Variants in UBE2E2 observed in about 807,000 individuals in gnomAD.
UBE2E2 encodes the protein ubiquitin conjugating enzyme E2 E2, also known as ubiquitin-conjugating enzyme E2 E2.
Under a neutral mutation model 24.7 loss-of-function variants are expected in UBE2E2, and 6 were observed. That is an observed-to-expected ratio of 0.24 (90% CI 0.13 to 0.48). The LOEUF (loss-of-function observed/expected upper bound fraction) is 0.48. Among genes scored for constraint, UBE2E2 ranks in the 20% least tolerant of loss-of-function variants. UBE2E2 has a pLI of 0.99. For missense variants in UBE2E2, 169 were observed against 245.0 expected, an observed-to-expected ratio of 0.69 and a Z score of 2.07; for synonymous variants, 104 against 83.6, an observed-to-expected ratio of 1.24 and a Z score of -1.33.
chr3:23,291,466 A>T (rs1698763163), intron 3 of UBE2E2, among the ~76,000 whole-genome samples: 1 of 152,184 alleles, frequency 6.6e-6, no homozygotes, highest in African/African-American at 2.4e-5. Context: ...TGTTATTTTA[A>T]AAATTAATAC....
intron 3 of UBE2E2, among the ~76,000 whole-genome samples, chr3:23,279,466 C>A (rs1698439839): frequency 6.6e-6 from 1 of 152,102 alleles, no homozygotes; most frequent in Admixed American, 6.6e-5. Context: ...CAGGGAAAGT[C>A]AAATGCATGT....
chr3:23,209,011 A>G (rs1696237637), intron 2 of UBE2E2, 136 bp downstream of exon 2: 1 of 986,402 alleles, frequency 1.0e-6, no homozygotes, highest in Non-Finnish European at 1.5e-6. Flanking sequence ...CTTCAAGATG[A>G]TCTCGTTTAC....
At chr3:23,443,756 G>A (rs946828674) in intron 3 of UBE2E2, among the ~76,000 whole-genome samples, 1 of 152,146 alleles carries the variant, frequency 6.6e-6, no homozygotes, top group Non-Finnish European at 1.5e-5. Context: ...CATAAAAGAT[G>A]CCCAGTATAA....
At chr3:23,382,268 A>G (rs549079815) in intron 3 of UBE2E2, among the ~76,000 whole-genome samples, 1 of 134,522 alleles carries the variant, frequency 7.4e-6, no homozygotes, top group South Asian at 2.3e-4. Flanking sequence ...CGCAGCCACC[A>G]CCTATCGGGT....
chr3:23,305,995 T>A (rs1420031594), intron 3 of UBE2E2, among the ~76,000 whole-genome samples: 1 of 152,214 alleles, frequency 6.6e-6, no homozygotes, highest in Non-Finnish European at 1.5e-5. Context: ...TCAATTTTAT[T>A]ATTTTGTTCA....
intron 4 of UBE2E2, among the ~76,000 whole-genome samples, chr3:23,518,094 T>C (rs1694783741): frequency 6.6e-6 from 1 of 150,674 alleles, no homozygotes; most frequent in Admixed American, 6.6e-5. Context: ...AATTAACCCA[T>C]TTTTTTTAGG....
chr3:23,234,288 T>C (rs936850705), intron 3 of UBE2E2, among the ~76,000 whole-genome samples: 5 of 151,940 alleles, frequency 3.3e-5, no homozygotes, highest in African/African-American at 1.2e-4. Flanking sequence ...CCAAACTGAG[T>C]GCAGCTTTGT....
intron 3 of UBE2E2, among the ~76,000 whole-genome samples, chr3:23,300,889 G>A (rs974568334): frequency 6.6e-6 from 1 of 152,124 alleles, no homozygotes; most frequent in African/African-American, 2.4e-5. Context: ...TTTCCCACTT[G>A]GTTCCATTCT....
chr3:23,320,070 G>C lies in UBE2E2; in HGVS notation c.227+102758G>C, dbSNP rs541460621. ...CCATATGTGAAAGTCTCCTGCCCAT[G>C]GGAAAGCCAGGCTTTACTTGAGTGA... On this transcript the variant is annotated intron_variant, in intron 3 of 5. Transcript: ENST00000396703. 1.5e-4 allele frequency among the ~76,000 whole-genome samples: 23 copies of C among 152,258 alleles called. 1 individual carries two copies. In the South Asian group the frequency reaches 4.6e-3, roughly 30 times the overall value.
chr3:23,348,873 G>C (rs1030531030), intron 3 of UBE2E2, among the ~76,000 whole-genome samples: 1 of 152,154 alleles, frequency 6.6e-6, no homozygotes, highest in African/African-American at 2.4e-5. Context: ...CTCTGTCATA[G>C]CACAGTAGTA....
chr3:23,277,022 G>A (rs1041008308), intron 3 of UBE2E2, among the ~76,000 whole-genome samples: 7 of 152,128 alleles, frequency 4.6e-5, no homozygotes, highest in East Asian at 3.8e-4. Context: ...AAAGGCTTTC[G>A]TGTACATGCT....
chr3:23,321,091 G>C (rs1694726233), intron 3 of UBE2E2, among the ~76,000 whole-genome samples: 1 of 152,198 alleles, frequency 6.6e-6, no homozygotes, highest in African/African-American at 2.4e-5. Flanking sequence ...TGCAATCTCT[G>C]CCTTTGTATT....
At chr3:23,566,703 T>C (rs1174918659) in intron 5 of UBE2E2, among the ~76,000 whole-genome samples, 4 of 152,024 alleles carry the variant, frequency 2.6e-5, no homozygotes, top group Non-Finnish European at 5.9e-5. Context: ...TACCACTCAT[T>C]ACTGAGGGAA....
chr3:23,373,493 A>T lies in UBE2E2; in HGVS notation c.228-126115A>T, dbSNP rs1459382243. Among the ~76,000 whole-genome samples the T allele has an allele frequency of 3.3e-5, 5 of 152,238 alleles. No individual in the cohort carries two copies. In the East Asian group the frequency reaches 9.7e-4, roughly 29 times the overall value. ...AAAGACACTCTGCTTGGTGCCTAAG[A>T]CACCAAAGTGAAAACAACAGCCATG... On this transcript the variant is annotated intron_variant, in intron 3 of 5. Coordinates refer to ENST00000396703, the MANE Select transcript of UBE2E2 (RefSeq NM_152653.4).
At chr3:23,568,713 ATATACACATATATATG>A (rs1355393476) in intron 5 of UBE2E2, among the ~76,000 whole-genome samples, 1 of 137,684 alleles carries the variant, frequency 7.3e-6, no homozygotes, top group Non-Finnish European at 1.5e-5. Flanking sequence ...ATATACATGT[ATATACACATATATATG>A]TATACATATA....
At chr3:23,309,202 C>T (rs1016622557) in intron 3 of UBE2E2, among the ~76,000 whole-genome samples, 5 of 152,184 alleles carry the variant, frequency 3.3e-5, no homozygotes, top group African/African-American at 1.2e-4. Context: ...TGGTCTCTAA[C>T]TCCAGGCCTC....
At chr3:23,548,613 C>A (rs1014661920) in intron 5 of UBE2E2, among the ~76,000 whole-genome samples, 1 of 152,168 alleles carries the variant, frequency 6.6e-6, no homozygotes, top group African/African-American at 2.4e-5. Context: ...GTTAGCTGGT[C>A]TCTTCTCTCT....
intron 3 of UBE2E2, among the ~76,000 whole-genome samples, chr3:23,451,557 T>C (rs978181705): frequency 1.3e-5 from 2 of 152,222 alleles, no homozygotes; most frequent in African/African-American, 4.8e-5. Flanking sequence ...TTAAGGAGTC[T>C]TGATTATGTA....
chr3:23,313,530 G>A (rs905459030), intron 3 of UBE2E2, among the ~76,000 whole-genome samples: 3 of 151,610 alleles, frequency 2.0e-5, no homozygotes, highest in East Asian at 1.9e-4. Context: ...GATTACAGGC[G>A]CATACCACCA....
Sources: allele counts gnomAD v4.1 joint callset (sites outside exome capture counted in the v4.1 genomes callset), GRCh38; gene constraint gnomAD v4.1.1; transcripts MANE v1.5; gene names NCBI Gene and HGNC (gene_info 2026-07-23, HGNC 2026-07-21).